The following FSIP1 variants were observed in gnomAD, a reference collection of about 807,000 sequenced individuals.
The protein encoded by FSIP1 is fibrous sheath-interacting protein 1.
Under a neutral mutation model 60.9 loss-of-function variants are expected in FSIP1, and 65 were observed. That is an observed-to-expected ratio of 1.07 (90% confidence interval 0.87 to 1.31). The LOEUF is 1.31. Among genes scored for constraint, FSIP1 ranks in the 40% most tolerant of loss-of-function variants. FSIP1 has a pLI of 0.00. For synonymous variants in FSIP1, 209 were observed against 221.2 expected, an observed-to-expected ratio of 0.94 and a Z score of 0.49; for missense variants, 675 against 665.5, an observed-to-expected ratio of 1.01 and a Z score of -0.16.
chr15:39,647,259 T>C lies in FSIP1; in HGVS notation c.1189-29014A>G, dbSNP rs1246648533. On this transcript the variant is annotated intron_variant, in intron 10 of 11. Transcript: ENST00000350221. The stretch of plus-strand genomic sequence containing the variant: ...CAAAAAGAGTAGATTTTACGTGTTC[T>C]TTCCACACATACGCAAAGAGGGTAA... Among the ~76,000 whole-genome samples, 3 of 152,232 alleles carry C rather than the reference T, an allele frequency of 2.0e-5. No homozygotes were observed. The East Asian group carries it at 5.8e-4, about 29-fold the overall frequency.
intron 10 of FSIP1, among the ~76,000 whole-genome samples, chr15:39,626,437 A>T (rs1410036003): frequency 6.6e-6 from 1 of 152,194 alleles, no homozygotes; most frequent in East Asian, 1.9e-4. Context: ...GAGATGTGGC[A>T]TGGCCTGGAA....
intron 10 of FSIP1, among the ~76,000 whole-genome samples, chr15:39,681,155 G>A (rs554564825): frequency 6.6e-6 from 1 of 152,210 alleles, no homozygotes; most frequent in South Asian, 2.1e-4. Context: ...TCATAGCACA[G>A]AAATGAAGAA....
intron 10 of FSIP1, among the ~76,000 whole-genome samples, chr15:39,706,839 C>T (rs1214619447): frequency 1.3e-5 from 2 of 152,196 alleles, no homozygotes; most frequent in Non-Finnish European, 2.9e-5. Flanking sequence ...AATAGAATCA[C>T]ACTGATCATT....
chr15:39,625,444 G>A (rs1175605477), intron 10 of FSIP1, among the ~76,000 whole-genome samples: 1 of 152,196 alleles, frequency 6.6e-6, no homozygotes, highest in Non-Finnish European at 1.5e-5. Flanking sequence ...TGCTCGGCAG[G>A]AGAGCCAGAC....
At chr15:39,675,520 G>A (rs995363831) in intron 10 of FSIP1, among the ~76,000 whole-genome samples, 3 of 152,052 alleles carry the variant, frequency 2.0e-5, no homozygotes, top group African/African-American at 7.2e-5. Flanking sequence ...CCTAAAAAAG[G>A]GTGCACCACT....
chr15:39,608,908 G>A (rs1890921858), intron 11 of FSIP1, among the ~76,000 whole-genome samples: 1 of 152,044 alleles, frequency 6.6e-6, no homozygotes, highest in Admixed American at 6.5e-5. Flanking sequence ...TAGAGGAATG[G>A]TTTCACTTTG....
chr15:39,763,543 A>G (rs1475252088), intron 5 of FSIP1, among the ~76,000 whole-genome samples: 5 of 152,224 alleles, frequency 3.3e-5, no homozygotes, highest in African/African-American at 1.2e-4. Context: ...AAAAGAGACA[A>G]GGAAGTAAAG....
intron 5 of FSIP1, among the ~76,000 whole-genome samples, chr15:39,752,663 C>T (rs539362254): frequency 7.6e-4 from 116 of 151,962 alleles, no homozygotes; most frequent in African/African-American, 2.7e-3. Flanking sequence ...TAAAAAAAGT[C>T]TGAGAAAGTG....
At chr15:39,757,848 C>G (rs553702339) in intron 5 of FSIP1, among the ~76,000 whole-genome samples, 53 of 152,248 alleles carry the variant, frequency 3.5e-4, no homozygotes, top group African/African-American at 1.2e-3. Context: ...GTTCACCTAA[C>G]AGTATCTTGT....
chr15:39,757,375 G>T (rs569111088), intron 5 of FSIP1, among the ~76,000 whole-genome samples: 1 of 152,126 alleles, frequency 6.6e-6, no homozygotes, highest in South Asian at 2.1e-4. Context: ...CAAAAAATCC[G>T]TGGCATGAGG....
chr15:39,762,008 G>C (rs1595396344), intron 5 of FSIP1, among the ~76,000 whole-genome samples: 1 of 152,184 alleles, frequency 6.6e-6, no homozygotes, highest in South Asian at 2.1e-4. Flanking sequence ...CCTTTGGCTG[G>C]AGATGCCTGG....
intron 10 of FSIP1, among the ~76,000 whole-genome samples, chr15:39,659,220 G>A (rs12901142): frequency 0.77 from 116,743 of 152,062 alleles, 45,892 homozygotes; most frequent in Non-Finnish European, 0.87. Context: ...ATTTGATAGT[G>A]GTGAAGGATG....
At chr15:39,746,433 C>T (rs1328520115) in intron 5 of FSIP1, among the ~76,000 whole-genome samples, 1 of 152,204 alleles carries the variant, frequency 6.6e-6, no homozygotes, top group Non-Finnish European at 1.5e-5. Context: ...TCTTCAGAGG[C>T]TGCAACTCTT....
chr15:39,695,743 T>C (rs1233933412), intron 10 of FSIP1, among the ~76,000 whole-genome samples: 1 of 152,244 alleles, frequency 6.6e-6, no homozygotes, highest in Non-Finnish European at 1.5e-5. Flanking sequence ...TTGATGTTGA[T>C]CATGTGTGTT....
At chr15:39,667,108 T>C (rs1893526249) in intron 10 of FSIP1, among the ~76,000 whole-genome samples, 1 of 152,210 alleles carries the variant, frequency 6.6e-6, no homozygotes, top group African/African-American at 2.4e-5. Flanking sequence ...AGGACAAACA[T>C]GGACGAGTGC....
In FSIP1 at chr15:39,782,622, C is replaced by A. The variant is rs967416482; in HGVS notation, c.-8+6G>T. 3.9e-5 allele frequency: 6 copies of A among 152,520 alleles called. No homozygotes were observed. The East Asian group carries it at 1.2e-3, about 29-fold the overall frequency. 9.4% of individuals were successfully genotyped at this position (152,520 alleles called of 1,614,324 possible). ...GAGCTCCGCCCTCATCTGCGCGGCC[C>A]CTCACCTTCCCGCCGGGCCTCCTCG... On this transcript the variant is annotated splice_donor_region_variant and intron_variant, in intron 1 of 11. Transcript: ENST00000350221.
At chr15:39,751,620 A>G (rs896316892) in intron 5 of FSIP1, among the ~76,000 whole-genome samples, 9 of 151,942 alleles carry the variant, frequency 5.9e-5, no homozygotes, top group Admixed American at 3.3e-4. Context: ...TCAAATTTAC[A>G]GAGAAAGGGA....
In FSIP1 at chr15:39,726,650, A is replaced by G. The variant is rs1228495985; in HGVS notation, c.989T>C (p.Leu330Pro). 1.9e-6 allele frequency: 3 copies of G among 1,613,982 alleles called. No individual in the cohort carries two copies. The highest frequency in any genetic ancestry group is 3.3e-5 in the Admixed American group (2 of 59,996). The change falls in exon 9 of 12, where the codon CTC becomes CCC. Residue 330 changes from leucine (L) to proline (P), a missense_variant. Coordinates refer to ENST00000350221, the MANE Select transcript of FSIP1 (RefSeq NM_152597.5). Reference protein sequence around the residue: ...LAEIDIKLQELSAASPTISSF... With the variant: ...LAEIDIKLQEPSAASPTISSF... ...GGAAATTGTAGGGGAGGCTGCAGAG[A>G]GTTCTTGGAGTTTTATATCAATTTC...
chr15:39,744,812 G>C (rs1896938310), intron 5 of FSIP1, among the ~76,000 whole-genome samples: 1 of 77,670 alleles, frequency 1.3e-5, no homozygotes, highest in African/African-American at 6.1e-5. Context: ...CACACACACA[G>C]TTCCCCACAG....
Sources: gnomAD v4.1 joint callset for allele counts (sites outside exome capture counted in the v4.1 genomes callset) on GRCh38, gnomAD v4.1.1 for gene constraint, MANE v1.5 for transcripts, NCBI Gene and HGNC (gene_info 2026-07-23, HGNC 2026-07-21) for gene names.